HECW2: variants seen among roughly 807,000 people sequenced by gnomAD.
HECW2 encodes E3 ubiquitin-protein ligase HECW2.
A neutral mutation model predicts 175.2 loss-of-function variants in HECW2; 61 were observed. The observed-to-expected ratio is 0.35, with a 90% CI of 0.28 to 0.43. The LOEUF (loss-of-function observed/expected upper bound fraction) is 0.43, where lower values mean the gene tolerates loss of function less well. Ranked by LOEUF, HECW2 falls within the 20% of genes least tolerant of loss-of-function variation. HECW2 has a pLI of 1.00. For missense variants in HECW2, 1,524 were observed against 2,000.5 expected (o/e 0.76, Z 4.54); for synonymous variants, 671 against 731.0 (o/e 0.92, Z 1.32).
chr2:196,445,258 A>G (rs754004581), intron 1 of HECW2, among the ~76,000 whole-genome samples: 14 of 152,256 alleles, frequency 9.2e-5, no homozygotes, highest in Non-Finnish European at 1.9e-4. Context: ...GAAAATAACA[A>G]TGCAAAAGAA....
chr2:196,297,291 T>A (rs1451703588), intron 13 of HECW2, among the ~76,000 whole-genome samples: 6 of 152,230 alleles, frequency 3.9e-5, no homozygotes, highest in African/African-American at 1.2e-4. Flanking sequence ...TTGTTTCTCA[T>A]CGTCCTAGCA....
At chr2:196,325,552 G>A (rs763763615) in intron 5 of HECW2, among the ~76,000 whole-genome samples, 5 of 152,058 alleles carry the variant, frequency 3.3e-5, no homozygotes, top group Non-Finnish European at 2.9e-5. Flanking sequence ...AATGTAATTC[G>A]GCAACCAGAA....
chr2:196,537,279 G>T (rs1343207699), intron 1 of HECW2, among the ~76,000 whole-genome samples: 1 of 152,140 alleles, frequency 6.6e-6, no homozygotes, highest in Non-Finnish European at 1.5e-5. Flanking sequence ...TGTGGAAACT[G>T]AGAATGTGCT....
intron 1 of HECW2, among the ~76,000 whole-genome samples, chr2:196,480,617 G>C (rs184217246): frequency 6.2e-4 from 95 of 152,338 alleles, no homozygotes; most frequent in African/African-American, 2.3e-3. Flanking sequence ...GCACTGAATA[G>C]GGAGGATGGA....
At chr2:196,312,524 C>T (rs963757847) in intron 10 of HECW2, among the ~76,000 whole-genome samples, 8 of 152,026 alleles carry the variant, frequency 5.3e-5, no homozygotes, top group African/African-American at 1.9e-4. Flanking sequence ...GTATAAAGTA[C>T]AAAAGTAGGC....
chr2:196,433,218 G>C lies in HECW2; in HGVS notation c.206C>G (p.Thr69Arg). 1 of 1,613,968 alleles carries C rather than the reference G, an allele frequency of 6.2e-7. No homozygotes were observed. The highest frequency in any genetic ancestry group is 1.1e-5 in the South Asian group (1 of 91,066). ...SSLTASMYEY[T>R]LGQAQNLIIF... ...AATGAGGTTCTGGGCTTGCCCCAGC[G>C]TGTACTCGTACATGCTGGCAGTTAA... The change falls in exon 2 of 29, where the codon ACG (threonine) becomes AGG (arginine). Residue 69 changes from threonine (T) to arginine (R), a missense_variant. Transcript: ENST00000644978.
At chr2:196,584,660 A>C (rs769681925) in intron 1 of HECW2, among the ~76,000 whole-genome samples, 1 of 151,910 alleles carries the variant, frequency 6.6e-6, no homozygotes, top group Non-Finnish European at 1.5e-5. Flanking sequence ...CAGTTCTCTA[A>C]GACTGTTCTC....
chr2:196,316,532 T>C (rs1334858304), intron 10 of HECW2: 1 of 152,214 alleles, frequency 6.6e-6, no homozygotes, highest in Non-Finnish European at 1.5e-5. Flanking sequence ...GCTTTATCAA[T>C]ATTCATCAAA....
chr2:196,277,524 G>T (rs1260928621), intron 15 of HECW2, among the ~76,000 whole-genome samples: 1 of 152,162 alleles, frequency 6.6e-6, no homozygotes, highest in African/African-American at 2.4e-5. Flanking sequence ...TTACACTGTT[G>T]GTGGGACTGT....
chr2:196,288,234 GT>G, intron 14 of HECW2: 1 of 152,234 alleles, frequency 6.6e-6, no homozygotes, highest in South Asian at 2.1e-4. Context: ...TTTCAAGGAT[GT>G]TTCTAAAACC....
At chr2:196,469,845 T>C (rs1697124201) in intron 1 of HECW2, among the ~76,000 whole-genome samples, 1 of 151,928 alleles carries the variant, frequency 6.6e-6, no homozygotes, top group South Asian at 2.1e-4. Context: ...GGGGGACTAA[T>C]TGGAGGTCAT....
intron 2 of HECW2, among the ~76,000 whole-genome samples, chr2:196,400,877 TTAA>T (rs141563502): frequency 0.016 from 2,380 of 151,996 alleles, 57 homozygotes; most frequent in African/African-American, 0.054. Flanking sequence ...TTGTGTCTAC[TTAA>T]AATATAAATT....
chr2:196,581,795 G>A (rs188509897), intron 1 of HECW2, among the ~76,000 whole-genome samples: 25 of 152,146 alleles, frequency 1.6e-4, no homozygotes, highest in African/African-American at 4.6e-4. Flanking sequence ...GGACAGGCGC[G>A]GTGGCTCATG....
At chr2:196,401,107 C>T (rs749491435) in intron 2 of HECW2, among the ~76,000 whole-genome samples, 33 of 152,194 alleles carry the variant, frequency 2.2e-4, no homozygotes, top group Non-Finnish European at 4.1e-4. Flanking sequence ...TCAGCAGTTT[C>T]ATGCCTAGAA....
chr2:196,554,373 G>T (rs1247362660), intron 1 of HECW2, among the ~76,000 whole-genome samples: 1 of 152,184 alleles, frequency 6.6e-6, no homozygotes, highest in Non-Finnish European at 1.5e-5. Context: ...AACAACTTGT[G>T]ACTTAGGCTC....
intron 2 of HECW2, among the ~76,000 whole-genome samples, chr2:196,420,961 CT>C (rs1193828459): frequency 2.0e-5 from 3 of 152,034 alleles, no homozygotes; most frequent in Admixed American, 6.6e-5. Flanking sequence ...TGAAAAGATC[CT>C]AAGATTCTTG....
chr2:196,292,751 CTAAAG>C lies in HECW2; in HGVS notation c.2815-6_2815-2del. 6.2e-7 allele frequency: 1 copy of C among 1,607,666 alleles called. No homozygotes were observed. Among genetic ancestry groups the C allele is most frequent in the Non-Finnish European group, 8.5e-7 (1 of 1,174,900 alleles). Reference sequence around the variant, plus strand: ...TGTTTGTAAACATGCGGTAGGCACTCTAAAGAAAAGAATGGAGAACCAATGTTAAC... The same window carrying C: ...TGTTTGTAAACATGCGGTAGGCACTCAAAAGAATGGAGAACCAATGTTAAC... On this transcript the variant is annotated splice_acceptor_variant and splice_polypyrimidine_tract_variant and intron_variant, in intron 13 of 28. Coordinates refer to ENST00000644978, the MANE Select transcript of HECW2 (RefSeq NM_001348768.2). LOFTEE classifies it high-confidence loss of function.
At chr2:196,592,716 G>A (rs1691246782) in intron 1 of HECW2, 1 of 152,208 alleles carries the variant, frequency 6.6e-6, no homozygotes, top group Admixed American at 6.5e-5. Context: ...CGCAAGGGAG[G>A]AAAAACAAAG....
intron 2 of HECW2, among the ~76,000 whole-genome samples, chr2:196,416,036 G>A (rs561999867): frequency 1.4e-4 from 21 of 152,086 alleles, no homozygotes; most frequent in Non-Finnish European, 2.1e-4. Flanking sequence ...TTATTTCTTC[G>A]TATCTTTCTC....
Sources: gnomAD v4.1 joint callset for allele counts (sites outside exome capture counted in the v4.1 genomes callset) on GRCh38, gnomAD v4.1.1 for gene constraint, MANE v1.5 for transcripts, NCBI Gene and HGNC (gene_info 2026-07-23, HGNC 2026-07-21) for gene names.